H2BC4: variants seen among roughly 807,000 people sequenced by gnomAD.
The protein encoded by H2BC4 is H2B clustered histone 4, also known as histone H2B type 1-C/E/F/G/I.
In H2BC4, 10 loss-of-function variants were observed where a neutral mutation model predicts 6.2. The observed-to-expected ratio is 1.61, with a 90% CI of 0.99 to 2.73. H2BC4 has a LOEUF of 2.73. H2BC4 is among the 30% of genes most tolerant of loss of function. The probability of loss-of-function intolerance (pLI) is 0.00; values close to 1 mark genes in which losing one functional copy is unlikely to be tolerated. For missense variants in H2BC4, 176 were observed against 168.7 expected (o/e 1.04, Z -0.24); for synonymous variants, 146 against 70.7 (o/e 2.07, Z -5.35).
At chr6:26,120,807 A>G (rs765025077), downstream of H2BC4, among the ~76,000 whole-genome samples, 2 of 152,138 alleles carry the variant, frequency 1.3e-5, no homozygotes, top group East Asian at 1.9e-4. Flanking sequence ...TAACAACATT[A>G]TGTTTCTTCT....
At chr6:26,114,109 TATA>T (rs1352014883), downstream of H2BC4, among the ~76,000 whole-genome samples, 2 of 152,158 alleles carry the variant, frequency 1.3e-5, no homozygotes, top group African/African-American at 4.8e-5. Context: ...AAAGAGTAGT[TATA>T]ATGTTTATAA....
chr6:26,123,198 A>C (rs1366514331), downstream of H2BC4, among the ~76,000 whole-genome samples: 4 of 152,240 alleles, frequency 2.6e-5, no homozygotes, highest in African/African-American at 9.6e-5. Flanking sequence ...AGACAGGGAC[A>C]GACAGCTGGG....
chr6:26,118,823 T>C (rs1763458775), downstream of H2BC4, among the ~76,000 whole-genome samples: 2 of 152,194 alleles, frequency 1.3e-5, no homozygotes, highest in Admixed American at 1.3e-4. Context: ...CTCTGAAGTA[T>C]AAAAGCAGTA....
intron 1 of H2BC4, among the ~76,000 whole-genome samples, chr6:26,116,059 T>C (rs1016021092): frequency 7.2e-5 from 11 of 152,158 alleles, no homozygotes; most frequent in Non-Finnish European, 1.5e-5. Context: ...AGTTTATTCA[T>C]ATTTCTCTTG....
At chr6:26,117,111 A>G (rs1056607113) in intron 1 of H2BC4, among the ~76,000 whole-genome samples, 15 of 151,984 alleles carry the variant, frequency 9.9e-5, no homozygotes, top group Non-Finnish European at 1.2e-4. Context: ...ATGTTCAGGG[A>G]AAAAAAGTGT....
chr6:26,114,466 A>G (rs946222060), downstream of H2BC4, among the ~76,000 whole-genome samples: 1 of 152,178 alleles, frequency 6.6e-6, no homozygotes, highest in African/African-American at 2.4e-5. Context: ...GCTATAAAAC[A>G]GGAATTTCCA....
At chr6:26,115,935 C>G (rs1763412090) in intron 1 of H2BC4, among the ~76,000 whole-genome samples, 1 of 151,492 alleles carries the variant, frequency 6.6e-6, no homozygotes, top group Admixed American at 6.6e-5. Flanking sequence ...TTTGTTCTAG[C>G]CTACAGTTGA....
downstream of H2BC4, among the ~76,000 whole-genome samples, chr6:26,121,881 C>T (rs1414819938): frequency 1.3e-5 from 2 of 151,852 alleles, no homozygotes; most frequent in Non-Finnish European, 2.9e-5. Context: ...GGAGAAACCT[C>T]GTCTCTACTA....
intron 1 of H2BC4, among the ~76,000 whole-genome samples, chr6:26,116,363 A>G (rs1763419576): frequency 6.6e-6 from 1 of 152,172 alleles, no homozygotes. Flanking sequence ...TCAGCAAACC[A>G]AAGTCCCATT....
chr6:26,122,437 C>A (rs1489912244), downstream of H2BC4, among the ~76,000 whole-genome samples: 1 of 152,170 alleles, frequency 6.6e-6, no homozygotes, highest in African/African-American at 2.4e-5. Context: ...ACGTCTAACC[C>A]TTCATCTTAA....
chr6:26,120,256 G>C (rs1763481447), downstream of H2BC4, among the ~76,000 whole-genome samples: 1 of 152,082 alleles, frequency 6.6e-6, no homozygotes, highest in African/African-American at 2.4e-5. Context: ...TTCGAGACCA[G>C]TTTGGCCAAC....
At chr6:26,114,805 T>C (rs977121354), downstream of H2BC4, 1 of 151,874 alleles carries the variant, frequency 6.6e-6, no homozygotes, top group Non-Finnish European at 1.5e-5. Context: ...ATTTTATATA[T>C]GATACATGAT....
chr6:26,121,879 C>T (rs1763501071), downstream of H2BC4, among the ~76,000 whole-genome samples: 1 of 151,880 alleles, frequency 6.6e-6, no homozygotes, highest in Admixed American at 6.6e-5. Context: ...ATGGAGAAAC[C>T]TCGTCTCTAC....
chr6:26,120,840 A>G (rs1316956576), downstream of H2BC4, among the ~76,000 whole-genome samples: 2 of 152,218 alleles, frequency 1.3e-5, no homozygotes, highest in African/African-American at 4.8e-5. Flanking sequence ...TACTTAAAGA[A>G]CGTGAAGGGG....
downstream of H2BC4, among the ~76,000 whole-genome samples, chr6:26,123,039 C>T (rs185079171): frequency 3.9e-4 from 59 of 152,232 alleles, 1 homozygote; most frequent in East Asian, 0.011. Context: ...CAGTTACTGC[C>T]CAGGTTCCCA....
Position 26,123,919 on chromosome 6 carries a change from A to C in H2BC4, c.-15T>G, listed in dbSNP as rs1354901311. Reference sequence around the variant, plus strand: ...GGCTCAGGCATCTTAAAACACCAGAAATGTGTCGAAAGTAAAGAGCGGATT... The same window carrying C: ...GGCTCAGGCATCTTAAAACACCAGACATGTGTCGAAAGTAAAGAGCGGATT... On this transcript the variant is annotated 5_prime_UTR_variant, in exon 1 of 1. The change creates a new upstream start codon in the 5' untranslated region. Transcript: ENST00000396984. The C allele has an allele frequency of 1.2e-6, 2 of 1,610,698 alleles. No individual in the cohort carries two copies. Among genetic ancestry groups the C allele is most frequent in the Non-Finnish European group, 1.7e-6 (2 of 1,179,198 alleles).
chr6:26,123,353 G>A (rs1020405449), downstream of H2BC4: 5 of 1,180,840 alleles, frequency 4.2e-6, no homozygotes, highest in African/African-American at 7.8e-5. Context: ...AGGACCCTTT[G>A]TCCCTCTCTA....
At chr6:26,114,195 G>T (rs1159988871), downstream of H2BC4, among the ~76,000 whole-genome samples, 1 of 152,070 alleles carries the variant, frequency 6.6e-6, no homozygotes, top group African/African-American at 2.4e-5. Flanking sequence ...AGAGTCCTCC[G>T]CAGAAAAGGC....
At chr6:26,122,964 G>A (rs143499056), downstream of H2BC4, among the ~76,000 whole-genome samples, 952 of 152,278 alleles carry the variant, frequency 6.3e-3, 9 homozygotes, top group African/African-American at 0.022. Flanking sequence ...AAACCCAGGA[G>A]ACACACCCTT....
Sources: allele counts gnomAD v4.1 joint callset (sites outside exome capture counted in the v4.1 genomes callset), GRCh38; gene constraint gnomAD v4.1.1; transcripts MANE v1.5; gene names NCBI Gene and HGNC (gene_info 2026-07-23, HGNC 2026-07-21).